Variants in FANCA observed in about 807,000 individuals in gnomAD.
FANCA encodes the protein Fanconi anemia group A protein.
A neutral mutation model predicts 194.3 loss-of-function variants in FANCA; 236 were observed. The observed-to-expected ratio is 1.21, with a 90% CI of 1.09 to 1.35. The LOEUF is 1.35. Among genes scored for constraint, FANCA ranks in the 40% most tolerant of loss-of-function variants. FANCA has a pLI of 0.00. For synonymous variants in FANCA, 1,014 were observed against 715.8 expected, an observed-to-expected ratio of 1.42 and a Z score of -6.65; for missense variants, 2,628 against 1,813.9, an observed-to-expected ratio of 1.45 and a Z score of -8.15.
chr16:89,739,352 AG>A, intron 40 of FANCA, 63 bp from the exon 41 acceptor site: 1 of 1,602,284 alleles, frequency 6.2e-7, no homozygotes, highest in Non-Finnish European at 8.5e-7. Flanking sequence ...GGTGATGCCA[AG>A]GGATACTGCT....
chr16:89,792,440 C>G, intron 12 of FANCA, 31 bp downstream of exon 12: 1 of 1,606,404 alleles, frequency 6.2e-7, no homozygotes, highest in Non-Finnish European at 8.5e-7. Context: ...GCCACGAGCT[C>G]AGAAGCAGGT....
intron 10 of FANCA, 47 bp downstream of exon 10, chr16:89,799,119 G>A (rs369543472): frequency 6.2e-7 from 1 of 1,614,052 alleles, no homozygotes; most frequent in African/African-American, 1.3e-5. Flanking sequence ...TAATTTGGCA[G>A]ACACCTCCCT....
chr16:89,779,133 T>C (rs535560883), intron 18 of FANCA, 130 bp from the exon 19 acceptor site: 17 of 850,060 alleles, frequency 2.0e-5, no homozygotes, highest in Admixed American at 1.4e-4. Flanking sequence ...TATGAAGTCT[T>C]CTTGTGCACA....
At chr16:89,755,316 G>A (rs1186920160) in intron 30 of FANCA, among the ~76,000 whole-genome samples, 1 of 150,598 alleles carries the variant, frequency 6.6e-6, no homozygotes, top group Admixed American at 6.6e-5. Flanking sequence ...GTTCAAGCAA[G>A]TCTCCTGCCG....
intron 30 of FANCA, among the ~76,000 whole-genome samples, chr16:89,756,020 G>A (rs1470912337): frequency 2.0e-5 from 3 of 152,146 alleles, no homozygotes; most frequent in Admixed American, 6.6e-5. Flanking sequence ...ATTGCATGCC[G>A]CAACTGTAAC....
rs567555906 is a variant in FANCA at position 89,798,754 on chromosome 16, C to T, written c.893+412G>A. ...AGCAGGATCTGTGGAGGCCAGGCAG[C>T]GGGAGTCTGTAGAGGCACAGCTACA... On this transcript the variant is annotated intron_variant, in intron 10 of 42. Coordinates refer to ENST00000389301, the MANE Select transcript of FANCA (RefSeq NM_000135.4). 122 of 1,370,354 alleles carry T rather than the reference C, an allele frequency of 8.9e-5. No homozygotes were observed. In the African/African-American group the frequency reaches 1.2e-3, roughly 14 times the overall value. 84.9% of individuals were successfully genotyped at this position (1,370,354 alleles called of 1,614,324 possible). A position where few individuals can be genotyped will look rare whatever the true frequency, so the allele number is the denominator to read the frequency against.
Position 89,746,676 on chromosome 16 carries a change from C to A in FANCA, c.3421G>T (p.Ala1141Ser), listed in dbSNP as rs547984666. 1 of 1,614,094 alleles carries A rather than the reference C, an allele frequency of 6.2e-7. No homozygotes were observed. The highest frequency in any genetic ancestry group is 8.5e-7 in the Non-Finnish European group (1 of 1,180,000). The change falls in exon 35 of 43, where the codon GCC becomes TCC. Residue 1141 changes from alanine to serine, a missense_variant. Coordinates refer to ENST00000389301, the MANE Select transcript of FANCA (RefSeq NM_000135.4). ...TAHFFRGLLN[A>S]CLRSRDPSLM... ...GAGGGGTCTCTGCTCCGCAGACAGGCGTTCAGGAGGCCCTGCAGGAGAGAA... is the reference window on the plus strand; with the variant it reads ...GAGGGGTCTCTGCTCCGCAGACAGGAGTTCAGGAGGCCCTGCAGGAGAGAA...
In FANCA at chr16:89,761,965, G is replaced by A. The variant is rs1598096917; in HGVS notation, c.2836C>T (p.Leu946Phe). ...AACACTTACCGTTCAGTATCTGAAA[G>A]AGCATCAGCTTCAGGTTGAATTTCC... is the stretch of plus-strand genomic sequence containing the variant. Reference protein sequence around the residue: ...ELEIQPEADALSDTERQDFHQ... With the variant: ...ELEIQPEADAFSDTERQDFHQ... The change falls in exon 29 of 43, where the codon CTT (leucine) becomes TTT (phenylalanine). Residue 946 changes from leucine (L) to phenylalanine (F), a missense_variant. Transcript: ENST00000389301. 6.2e-7 allele frequency: 1 copy of A among 1,614,002 alleles called. No homozygotes were observed. The highest frequency in any genetic ancestry group is 2.2e-5 in the East Asian group (1 of 44,886).
Position 89,792,489 on chromosome 16 carries a change from G to A in FANCA, c.1065C>T (p.Leu355=), listed in dbSNP as rs373366147. The change falls in exon 12 of 43, where the codon CTC becomes CTT. Residue 355 remains leucine, a synonymous_variant. Coordinates refer to ENST00000389301, the MANE Select transcript of FANCA (RefSeq NM_000135.4). ...EWSFARTHPL[L]TSLYRRLFVM... is the part of the protein sequence containing the mutation. ...CACTCACCCTGCGGTACAGTGAGGT[G>A]AGCAGAGGGTGTGTCCGCGCAAAGC... is the stretch of plus-strand genomic sequence containing the variant. The A allele has an allele frequency of 1.2e-5, 20 of 1,613,308 alleles. No individual in the cohort carries two copies. The highest frequency in any genetic ancestry group is 3.3e-5 in the Admixed American group (2 of 59,996).
Position 89,749,743 on chromosome 16 carries a change from G to A in FANCA, c.3226C>T (p.Leu1076=). Residue 1076 remains leucine, a synonymous_variant, in exon 32 of 43, where the codon CTA becomes TTA. Coordinates refer to ENST00000389301, the MANE Select transcript of FANCA (RefSeq NM_000135.4). The part of the protein sequence containing the change: ...AASLQRQREL[L]MYKRILLRLP... ...AGTAGGTGTTACCGTTTGTACATTA[G>A]CAGCTCCCTCTGTCTCTGAAGGCTG... is the stretch of plus-strand genomic sequence containing the variant. The A allele has an allele frequency of 6.2e-7, 1 of 1,613,990 alleles. No individual in the cohort carries two copies. Among genetic ancestry groups the A allele is most frequent in the South Asian group, 1.1e-5 (1 of 91,052 alleles).
chr16:89,814,381 C>A, intron 3 of FANCA, 139 bp downstream of exon 3: 1 of 618,170 alleles, frequency 1.6e-6, no homozygotes, highest in Non-Finnish European at 2.8e-6. Context: ...ACAAACATCC[C>A]ATAGAATTTG....
intron 14 of FANCA, 122 bp from the exon 15 acceptor site, chr16:89,785,086 G>C (rs929692475): frequency 1.4e-5 from 10 of 736,966 alleles, no homozygotes; most frequent in Non-Finnish European, 1.9e-5. Flanking sequence ...GCACCACCTA[G>C]GCAGTGTCCT....
intron 6 of FANCA, among the ~76,000 whole-genome samples, chr16:89,807,544 G>GT (rs1334359059): frequency 6.6e-6 from 1 of 152,054 alleles, no homozygotes; most frequent in East Asian, 1.9e-4. Flanking sequence ...GAGGTTAGGA[G>GT]TTTGACACCA....
At chr16:89,799,527 G>T (rs1052574390) in intron 9 of FANCA, 78 bp downstream of exon 9, 2 of 1,367,024 alleles carry the variant, frequency 1.5e-6, no homozygotes, top group East Asian at 2.3e-5. Flanking sequence ...ACCTCAAATG[G>T]AAAGGCAGAA....
chr16:89,749,411 G>C (rs2143134639), intron 32 of FANCA, among the ~76,000 whole-genome samples: 1 of 152,234 alleles, frequency 6.6e-6, no homozygotes, highest in African/African-American at 2.4e-5. Context: ...ATTTTTAGTA[G>C]ACATGGCGTT....
In FANCA at chr16:89,791,443, T is replaced by C; in HGVS notation, c.1319A>G (p.Glu440Gly). 14 of 1,614,046 alleles carry C rather than the reference T, an allele frequency of 8.7e-6. No individual in the cohort carries two copies. The highest frequency in any genetic ancestry group is 1.2e-5 in the Non-Finnish European group (14 of 1,179,970). Residue 440 changes from glutamate (E) to glycine (G), a missense_variant, in exon 14 of 43, where the codon GAG (glutamate) becomes GGG (glycine). Transcript: ENST00000389301. ...AFLVVRQAAL[E>G]GPSAFLSYAD... ...ATATGACAGGAACGCAGAGGGGCCC[T>C]CCAGTGCTGCCTGGCGCACAACCAG...
At chr16:89,783,386 T>C (rs959615557) in intron 15 of FANCA, among the ~76,000 whole-genome samples, 1 of 151,648 alleles carries the variant, frequency 6.6e-6, no homozygotes, top group Non-Finnish European at 1.5e-5. Context: ...CTGTCTCTAC[T>C]AAAAATACAA....
intron 9 of FANCA, 45 bp downstream of exon 9, chr16:89,799,560 C>A (rs1438301410): frequency 2.5e-6 from 4 of 1,579,742 alleles, no homozygotes; most frequent in Non-Finnish European, 3.5e-6. Context: ...TGCTAATAAG[C>A]AAACTAAGTC....
At chr16:89,798,507 C>CAGTAGAATTTCTAGAAACAG in intron 10 of FANCA, 1 of 1,102,568 alleles carries the variant, frequency 9.1e-7, no homozygotes, top group Non-Finnish European at 1.1e-6. Context: ...GAAACAGTGG[C>CAGTAGAATTTCTAGAAACAG]AAATTCTACT....
Sources: allele counts gnomAD v4.1 joint callset (sites outside exome capture counted in the v4.1 genomes callset), GRCh38; gene constraint gnomAD v4.1.1; transcripts MANE v1.5; gene names NCBI Gene and HGNC (gene_info 2026-07-23, HGNC 2026-07-21).